The following ARHGAP24 variants were observed in gnomAD, a reference collection of about 807,000 sequenced individuals.
The protein encoded by ARHGAP24 is rho GTPase-activating protein 24.
In ARHGAP24, 50 loss-of-function variants were observed where a neutral mutation model predicts 76.4. That is an observed-to-expected ratio of 0.65 (90% confidence interval 0.52 to 0.83). ARHGAP24 has a LOEUF of 0.83. Among genes scored for constraint, ARHGAP24 ranks in the 40% least tolerant of loss-of-function variants. ARHGAP24 has a pLI of 0.00. For synonymous variants in ARHGAP24, 345 were observed against 323.3 expected (o/e 1.07, Z -0.72); for missense variants, 930 against 914.2 (o/e 1.02, Z -0.22).
chr4:85,951,391 A>G (rs1737609396), intron 5 of ARHGAP24, among the ~76,000 whole-genome samples: 1 of 152,196 alleles, frequency 6.6e-6, no homozygotes, highest in Admixed American at 6.5e-5. Flanking sequence ...TCACATGGTC[A>G]AGGCCTAGCT....
intron 1 of ARHGAP24, among the ~76,000 whole-genome samples, chr4:85,529,602 G>A (rs1725171640): frequency 6.6e-6 from 1 of 151,924 alleles, no homozygotes; most frequent in African/African-American, 2.4e-5. Context: ...GGGTATTGTA[G>A]GATGTCAAGC....
At chr4:85,686,769 G>A (rs186140600) in intron 2 of ARHGAP24, 11 of 146,964 alleles carry the variant, frequency 7.5e-5, no homozygotes, top group Admixed American at 2.0e-4. Flanking sequence ...CTAATCAAAA[G>A]CCTTCATTAG....
chr4:85,878,335 C>A (rs2148765575), intron 3 of ARHGAP24, among the ~76,000 whole-genome samples: 1 of 152,150 alleles, frequency 6.6e-6, no homozygotes, highest in Admixed American at 6.5e-5. Context: ...AAGATTCCAG[C>A]AAAGCTATGT....
chr4:85,725,530 T>G (rs1034153816), intron 3 of ARHGAP24, among the ~76,000 whole-genome samples: 2 of 152,216 alleles, frequency 1.3e-5, no homozygotes, highest in Non-Finnish European at 2.9e-5. Flanking sequence ...AAGAGACGGA[T>G]GGAAGAAGGT....
chr4:85,515,902 G>C (rs1481779), intron 1 of ARHGAP24, among the ~76,000 whole-genome samples: 1 of 151,958 alleles, frequency 6.6e-6, no homozygotes, highest in East Asian at 1.9e-4. Context: ...CCATCAATAC[G>C]TAACAGTGTT....
At chr4:85,774,532 A>T (rs972122477) in intron 3 of ARHGAP24, among the ~76,000 whole-genome samples, 3 of 152,220 alleles carry the variant, frequency 2.0e-5, no homozygotes, top group Non-Finnish European at 2.9e-5. Context: ...CTACTGCAGC[A>T]TTCAGGAAAT....
intron 8 of ARHGAP24, among the ~76,000 whole-genome samples, chr4:85,985,192 T>C (rs1739913649): frequency 6.6e-6 from 1 of 152,166 alleles, no homozygotes; most frequent in African/African-American, 2.4e-5. Flanking sequence ...TGTATGTTCA[T>C]TGCAGCACTG....
intron 2 of ARHGAP24, among the ~76,000 whole-genome samples, chr4:85,637,377 A>T (rs1422606091): frequency 1.3e-5 from 2 of 152,096 alleles, no homozygotes; most frequent in Non-Finnish European, 2.9e-5. Context: ...TGTAGTGGAG[A>T]TCATGAAGAA....
intron 2 of ARHGAP24, among the ~76,000 whole-genome samples, chr4:85,629,366 T>G (rs1422253796): frequency 6.6e-6 from 1 of 152,204 alleles, no homozygotes; most frequent in African/African-American, 2.4e-5. Flanking sequence ...ACATTTACAC[T>G]AAAATCAAGT....
chr4:85,859,677 A>G (rs1441283980), intron 3 of ARHGAP24, among the ~76,000 whole-genome samples: 2 of 152,104 alleles, frequency 1.3e-5, no homozygotes, highest in Non-Finnish European at 2.9e-5. Flanking sequence ...CCTCACCGCT[A>G]TCAGATATTT....
At chr4:85,664,440 T>C (rs1180906788) in intron 2 of ARHGAP24, among the ~76,000 whole-genome samples, 3 of 151,262 alleles carry the variant, frequency 2.0e-5, no homozygotes, top group Non-Finnish European at 4.4e-5. Context: ...CTATCAATTT[T>C]GTTGATCCTT....
chr4:85,828,081 C>A (rs1411507553), intron 3 of ARHGAP24: 1 of 838,104 alleles, frequency 1.2e-6, no homozygotes, highest in Admixed American at 2.3e-5. Context: ...AATTCAGGAC[C>A]TAGACTGTGT....
intron 3 of ARHGAP24, among the ~76,000 whole-genome samples, chr4:85,785,655 G>A (rs1464662361): frequency 6.6e-6 from 1 of 152,076 alleles, no homozygotes; most frequent in African/African-American, 2.4e-5. Context: ...CAAGCAACTG[G>A]AGTAGCCAGA....
chr4:85,479,433 G>A (rs1722727217), intron 1 of ARHGAP24, among the ~76,000 whole-genome samples: 1 of 152,176 alleles, frequency 6.6e-6, no homozygotes. Flanking sequence ...ATCCAAGTGG[G>A]AGGTCCTGGA....
chr4:85,944,321 G>C (rs544536199), intron 5 of ARHGAP24, among the ~76,000 whole-genome samples: 1 of 152,216 alleles, frequency 6.6e-6, no homozygotes, highest in South Asian at 2.1e-4. Context: ...TGGAGTTTTT[G>C]GATAAGAGTA....
chr4:85,819,372 CAT>C (rs1186319625), intron 3 of ARHGAP24, among the ~76,000 whole-genome samples: 3 of 152,042 alleles, frequency 2.0e-5, no homozygotes, highest in Non-Finnish European at 4.4e-5. Context: ...AAAATTGAAA[CAT>C]AGAGAGGAAA....
At chr4:85,799,804 C>T (rs1728506049) in intron 3 of ARHGAP24, among the ~76,000 whole-genome samples, 1 of 152,110 alleles carries the variant, frequency 6.6e-6, no homozygotes, top group Admixed American at 6.5e-5. Flanking sequence ...TATCACGTGC[C>T]TCTTGAGTGA....
At chr4:85,784,957 A>C (rs111912246) in intron 3 of ARHGAP24, among the ~76,000 whole-genome samples, 89 of 117,532 alleles carry the variant, frequency 7.6e-4, no homozygotes, top group Middle Eastern at 4.6e-3. Flanking sequence ...CTATCTATCT[A>C]TCTCTCTATC....
chr4:85,509,040 A>G lies in ARHGAP24; in HGVS notation c.-21+33481A>G, dbSNP rs112862759. 3.2e-3 allele frequency among the ~76,000 whole-genome samples: 485 copies of G among 152,080 alleles called. 2 individuals are homozygous for G. The highest frequency in any genetic ancestry group is 0.011 in the African/African-American group (459 of 41,480). On this transcript the variant is annotated intron_variant, in intron 1 of 9. Coordinates refer to ENST00000395184, the MANE Select transcript of ARHGAP24 (RefSeq NM_001025616.3). ...TGAAGTTTTAGAGAACTTTCTAGCT[A>G]TGCCATGGATTTACCACTTATAAAA...
Sources: allele counts gnomAD v4.1 joint callset (sites outside exome capture counted in the v4.1 genomes callset), GRCh38; gene constraint gnomAD v4.1.1; transcripts MANE v1.5; gene names NCBI Gene and HGNC (gene_info 2026-07-23, HGNC 2026-07-21).